Variants in TRPM8 observed in about 807,000 individuals in gnomAD.
The protein encoded by TRPM8 is transient receptor potential cation channel subfamily M member 8, also known as TRPM8 cationic channel.
TRPM8 carries 110 observed loss-of-function variants against 133.7 expected under a neutral mutation model. The observed-to-expected ratio is 0.82, with a 90% CI of 0.70 to 0.96. TRPM8 has a LOEUF of 0.96. TRPM8 is among the 40% of genes least tolerant of loss of function. The pLI is 0.00. For synonymous variants in TRPM8, 535 were observed against 532.3 expected (o/e 1.01, Z -0.07); for missense variants, 1,291 against 1,379.5 (o/e 0.94, Z 1.02).
chr2:233,988,457 G>T (rs1397214164), intron 21 of TRPM8, among the ~76,000 whole-genome samples: 2 of 152,080 alleles, frequency 1.3e-5, no homozygotes, highest in Non-Finnish European at 2.9e-5. Flanking sequence ...CGCCATCTCA[G>T]CACCTGTCAC....
At chr2:233,992,822 A>G (rs1262512569) in intron 21 of TRPM8, among the ~76,000 whole-genome samples, 1 of 152,198 alleles carries the variant, frequency 6.6e-6, no homozygotes, top group Admixed American at 6.5e-5. Flanking sequence ...GATGGTCTCT[A>G]AGCTGCTACA....
chr2:234,014,103 TTG>T (rs1692902644), intron 24 of TRPM8, among the ~76,000 whole-genome samples: 1 of 152,192 alleles, frequency 6.6e-6, no homozygotes, highest in African/African-American at 2.4e-5. Flanking sequence ...TCTGCTGTTT[TTG>T]TGTGTGTGGG....
intron 22 of TRPM8, among the ~76,000 whole-genome samples, chr2:233,998,607 T>A (rs895997594): frequency 1.3e-5 from 2 of 151,322 alleles, no homozygotes; most frequent in Non-Finnish European, 2.9e-5. Context: ...CTTGTGCCCA[T>A]CCAGTTAGAG....
intron 21 of TRPM8, among the ~76,000 whole-genome samples, chr2:233,995,111 T>G (rs17864771): frequency 0.015 from 2,263 of 152,274 alleles, 27 homozygotes; most frequent in Non-Finnish European, 0.024. Flanking sequence ...TGGGGCTGGA[T>G]TGCGGGGTCC....
At chr2:233,921,170 A>G (rs1277400085) in intron 1 of TRPM8, among the ~76,000 whole-genome samples, 1 of 152,050 alleles carries the variant, frequency 6.6e-6, no homozygotes, top group African/African-American at 2.4e-5. Context: ...CCCAGATTTC[A>G]CCACTTGGAC....
chr2:234,017,617 C>G lies in TRPM8; in HGVS notation c.*361C>G, dbSNP rs1692988660. On this transcript the variant is annotated 3_prime_UTR_variant, in exon 26 of 26. Transcript: ENST00000324695. ...AACACATATATAGGAGAACATCTAT[C>G]CTATGAATAAGAACCTGGTCATGCT... The G allele has an allele frequency of 4.9e-6, 1 of 202,486 alleles. No individual in the cohort carries two copies. The highest frequency in any genetic ancestry group is 1.0e-5 in the Non-Finnish European group (1 of 98,192). The allele number at this position is 202,486 out of a possible 1,614,324, so 12.5% of individuals were successfully genotyped here. A position where few individuals can be genotyped will look rare whatever the true frequency, so the allele number is the denominator to read the frequency against.
chr2:233,956,715 CATAA>C (rs1691302490), intron 11 of TRPM8, among the ~76,000 whole-genome samples: 1 of 152,204 alleles, frequency 6.6e-6, no homozygotes, highest in Admixed American at 6.5e-5. Context: ...ATGAGAGCAG[CATAA>C]ATAAAGTAAT....
chr2:233,991,225 A>G (rs915911475), intron 21 of TRPM8, among the ~76,000 whole-genome samples: 2 of 152,214 alleles, frequency 1.3e-5, no homozygotes, highest in East Asian at 1.9e-4. Flanking sequence ...GAAGTTGAAG[A>G]GAAATGTCAT....
Position 234,008,127 on chromosome 2 carries a change from A to ATT in TRPM8, c.3264+38_3264+39dup, listed in dbSNP as rs746717772. The ATT allele has an allele frequency of 8.1e-3, 11,526 of 1,421,316 alleles. 17 individuals carry two copies. Among genetic ancestry groups the ATT allele is most frequent in the African/African-American group, 0.025 (1,697 of 66,988 alleles). 88.0% of individuals were successfully genotyped at this position (1,421,316 alleles called of 1,614,324 possible). The stretch of plus-strand genomic sequence containing the variant: ...AGGTATGGTTCTGTTAATAGTTTGG[A>ATT]TTTTTTTTTTTTTTTGGTCACTAAT... On this transcript the variant is annotated intron_variant, in intron 24 of 25. Coordinates refer to ENST00000324695, the MANE Select transcript of TRPM8 (RefSeq NM_024080.5).
chr2:234,015,101 T>C (rs1029957126), intron 25 of TRPM8, among the ~76,000 whole-genome samples: 4 of 152,236 alleles, frequency 2.6e-5, no homozygotes, highest in Admixed American at 6.5e-5. Context: ...TATACAAATA[T>C]GTTAATCATC....
At position 233,950,127 on chromosome 2, in the gene TRPM8, C is replaced by A. The variant is rs140502895; in HGVS notation, c.1121C>A (p.Thr374Asn). The change falls in exon 9 of 26, where the codon ACT becomes AAT. Residue 374 changes from threonine (T) to asparagine (N), a missense_variant. Thr to Asn is a moderately conservative substitution (Grantham distance 65). Transcript: ENST00000324695. ...GTGTCCCGGCTGCCTGAGGAGGAGA[C>A]TGAGAGTTGGATCAAATGGGTAAGT... ...RTVSRLPEEETESWIKWLKEI... is the reference protein window; with the variant it reads ...RTVSRLPEEENESWIKWLKEI... 15 of 1,612,682 alleles carry A rather than the reference C, an allele frequency of 9.3e-6. No homozygotes were observed. In the South Asian group the frequency reaches 1.6e-4, roughly 18 times the overall value.
chr2:233,927,932 C>T lies in TRPM8; in HGVS notation c.117+1278C>T, dbSNP rs1449172556. Among the ~76,000 whole-genome samples the T allele has an allele frequency of 9.4e-3, 449 of 47,618 alleles. 16 individuals are homozygous for T. The highest frequency in any genetic ancestry group is 0.015 in the Middle Eastern group (2 of 132). The allele number at this position is 47,618 out of a possible 152,430, so 31.2% of individuals were successfully genotyped here. On this transcript the variant is annotated intron_variant, in intron 2 of 25. Coordinates refer to ENST00000324695, the MANE Select transcript of TRPM8 (RefSeq NM_024080.5). ...TTTCTCTCTCTCTCTCTTTCTCTCTCTCTCTCTCTCTCTCTCTCTCTCTCT... is the reference window on the plus strand; with the variant it reads ...TTTCTCTCTCTCTCTCTTTCTCTCTTTCTCTCTCTCTCTCTCTCTCTCTCT...
At chr2:234,016,698 G>A (rs761243415) in intron 25 of TRPM8, among the ~76,000 whole-genome samples, 2 of 152,198 alleles carry the variant, frequency 1.3e-5, no homozygotes, top group Non-Finnish European at 2.9e-5. Flanking sequence ...TTACACCAAA[G>A]TTGAAAGGAA....
intron 16 of TRPM8, 177 bp downstream of exon 16, chr2:233,969,984 G>C (rs970350938): frequency 1.5e-6 from 1 of 662,656 alleles, no homozygotes; most frequent in African/African-American, 1.8e-5. Context: ...CCTCTTAAAT[G>C]GGTAGGGGTG....
chr2:233,954,006 C>A lies in TRPM8; in HGVS notation c.1230C>A (p.Tyr410Ter), dbSNP rs145140312. 6.2e-7 allele frequency: 1 copy of A among 1,612,870 alleles called. No individual in the cohort carries two copies. The highest frequency in any genetic ancestry group is 1.7e-5 in the Admixed American group (1 of 59,916). ...AAATTGTGAGCAATGCCATCTCCTA[C>A]GCTCTATACAAAGGTGAGTAAAAAT... ...GDEIVSNAIS[Y>*]ALYKAFSTSE... The change falls in exon 10 of 26, where the codon TAC becomes TAA. Residue 410 changes from tyrosine to a stop codon, truncating the protein, a stop_gained. Transcript: ENST00000324695. LOFTEE classifies it high-confidence loss of function.
Position 233,964,667 on chromosome 2 carries a change from C to G in TRPM8, c.1789C>G (p.Leu597Val). Residue 597 changes from leucine (L) to valine (V), a missense_variant, in exon 14 of 26, where the codon CTT (leucine) becomes GTT (valine). Around this residue, in one of 2 missense-constraint regions of TRPM8, gnomAD observed 963 missense variants for 968.9 expected, o/e 0.99. Coordinates refer to ENST00000324695, the MANE Select transcript of TRPM8 (RefSeq NM_024080.5). ...CTLAALGASK[L>V]LKTLAKVKND... ...TCTGGCAGCCCTGGGAGCCAGCAAG[C>G]TTCTGAAGACTCTGGCCAAAGTGAA... 1 of 1,611,140 alleles carries G rather than the reference C, an allele frequency of 6.2e-7. No homozygotes were observed. The highest frequency in any genetic ancestry group is 8.5e-7 in the Non-Finnish European group (1 of 1,178,136).
chr2:233,946,744 A>G (rs1691051848), intron 7 of TRPM8, among the ~76,000 whole-genome samples: 1 of 152,250 alleles, frequency 6.6e-6, no homozygotes, highest in African/African-American at 2.4e-5. Context: ...TTCTCACTCA[A>G]GCAAGCATAG....
chr2:233,933,796 G>A (rs1196697930), intron 3 of TRPM8: 1 of 166,890 alleles, frequency 6.0e-6, no homozygotes, highest in Non-Finnish European at 1.5e-5. Flanking sequence ...TGGTGGGACA[G>A]TGGAAGCTAT....
rs1559534495 is a variant in TRPM8 at position 233,970,132 on chromosome 2, T to C, written c.2139-78T>C. The C allele has an allele frequency of 1.1e-5, 15 of 1,307,938 alleles. No individual in the cohort carries two copies. In the East Asian group the frequency reaches 3.2e-4, roughly 28 times the overall value. The allele number at this position is 1,307,938 out of a possible 1,614,324, so 81.0% of individuals were successfully genotyped here. On this transcript the variant is annotated intron_variant, in intron 16 of 25. Transcript: ENST00000324695. The stretch of plus-strand genomic sequence containing the variant: ...TCCTGGCTATGGGTCTGTATTTATC[T>C]ATGTTTGGAAGGAGGGGAGGGCTGT...
Sources: gnomAD v4.1 joint callset for allele counts (sites outside exome capture counted in the v4.1 genomes callset) on GRCh38, gnomAD v4.1.1 for gene constraint, gnomAD v4.1.1 regional missense constraint, MANE v1.5 for transcripts, NCBI Gene and HGNC (gene_info 2026-07-23, HGNC 2026-07-21) for gene names.